Variants in UBR3 observed in about 807,000 individuals in gnomAD.
UBR3 encodes the protein E3 ubiquitin-protein ligase UBR3.
In UBR3, 85 loss-of-function variants were observed where a neutral mutation model predicts 243.2. The observed-to-expected ratio is 0.35, with a 90% CI of 0.29 to 0.42. UBR3 has a LOEUF of 0.42. UBR3 is among the 10% of genes least tolerant of loss of function. UBR3 has a pLI of 1.00. For missense variants in UBR3, 1,686 were observed against 2,300.8 expected (o/e 0.73, Z 5.47); for synonymous variants, 748 against 799.8 (o/e 0.94, Z 1.09).
In UBR3 at chr2:169,878,579, G is replaced by C; in HGVS notation, c.1038+5G>C. 1 of 1,549,020 alleles carries C rather than the reference G, an allele frequency of 6.5e-7. No homozygotes were observed. ...CAAGTGGATTCTTCAGATGAGGTGA[G>C]ATTTAAAGTTCAAAACTTTTTAAAA... On this transcript the variant is annotated splice_donor_5th_base_variant and intron_variant, in intron 5 of 38. Coordinates refer to ENST00000272793, the MANE Select transcript of UBR3 (RefSeq NM_172070.4).
At chr2:169,864,885 T>A (rs1574074658) in intron 1 of UBR3, among the ~76,000 whole-genome samples, 1 of 125,776 alleles carries the variant, frequency 8.0e-6, no homozygotes, top group South Asian at 2.4e-4. Context: ...CCAGCCCGGG[T>A]GACGGAGCGA....
chr2:169,828,082 G>T (rs1332051251), intron 1 of UBR3, 30 bp downstream of exon 1: 1 of 1,353,652 alleles, frequency 7.4e-7, no homozygotes, highest in East Asian at 3.1e-5. Flanking sequence ...CGGGCGAGGC[G>T]ACCCTGGGCC....
intron 19 of UBR3, 50 bp downstream of exon 19, chr2:169,933,058 G>T: frequency 7.3e-7 from 1 of 1,365,026 alleles, no homozygotes. Flanking sequence ...ATATTTATAT[G>T]GAAAAATTTC....
At chr2:169,927,007 T>G (rs753884721) in intron 16 of UBR3, 36 bp downstream of exon 16, 13 of 1,532,736 alleles carry the variant, frequency 8.5e-6, no homozygotes, top group Non-Finnish European at 1.1e-5. Flanking sequence ...ATGCATTAAC[T>G]GTTTTCCTCC....
chr2:170,043,322 C>T (rs1303109505), intron 32 of UBR3, among the ~76,000 whole-genome samples: 1 of 152,082 alleles, frequency 6.6e-6, no homozygotes, highest in Non-Finnish European at 1.5e-5. Context: ...GTGCATCACC[C>T]TCGTTGTCAG....
chr2:169,832,079 T>C (rs1045669295), intron 1 of UBR3, among the ~76,000 whole-genome samples: 3 of 152,228 alleles, frequency 2.0e-5, no homozygotes, highest in Non-Finnish European at 4.4e-5. Context: ...CAGCTGTATT[T>C]ATATTTAATT....
chr2:170,066,555 C>G (rs549731723), intron 35 of UBR3, among the ~76,000 whole-genome samples: 1 of 152,284 alleles, frequency 6.6e-6, no homozygotes, highest in Middle Eastern at 3.4e-3. Flanking sequence ...AATATATCTC[C>G]TTTTTTTCTT....
intron 24 of UBR3, among the ~76,000 whole-genome samples, chr2:169,977,934 G>C (rs966686408): frequency 6.6e-6 from 1 of 152,114 alleles, no homozygotes; most frequent in African/African-American, 2.4e-5. Context: ...TGTGTCTTCT[G>C]AACTTCCTAG....
At chr2:169,931,887 G>A (rs73972680) in intron 18 of UBR3, among the ~76,000 whole-genome samples, 8,681 of 151,986 alleles carry the variant, frequency 0.057, 461 homozygotes, top group African/African-American at 0.14. Flanking sequence ...AAAATGAAAA[G>A]CTTTATATAC....
Position 169,876,607 on chromosome 2 carries a change from G to A in UBR3, c.844+658G>A, listed in dbSNP as rs187960783. Reference sequence around the variant, plus strand: ...GAGTCTTGCTCTGTTGCCCAGGCTGGAGTGCAGTGGCGTGATCTCAGCCCA... The same window carrying A: ...GAGTCTTGCTCTGTTGCCCAGGCTGAAGTGCAGTGGCGTGATCTCAGCCCA... On this transcript the variant is annotated intron_variant, in intron 3 of 38. Coordinates refer to ENST00000272793, the MANE Select transcript of UBR3 (RefSeq NM_172070.4). 4.8e-3 allele frequency among the ~76,000 whole-genome samples: 715 copies of A among 149,940 alleles called. 4 individuals are homozygous for A. The highest frequency in any genetic ancestry group is 0.021 in the Middle Eastern group (6 of 290).
intron 32 of UBR3, among the ~76,000 whole-genome samples, chr2:170,054,679 C>A (rs1574458061): frequency 6.6e-6 from 1 of 152,110 alleles, no homozygotes; most frequent in Admixed American, 6.6e-5. Flanking sequence ...AAATTAGTAA[C>A]CTAAACATCA....
chr2:169,832,593 T>C (rs1159633166), intron 1 of UBR3, among the ~76,000 whole-genome samples: 2 of 150,032 alleles, frequency 1.3e-5, no homozygotes, highest in African/African-American at 4.9e-5. Context: ...AAACTGTATG[T>C]ATAACTACAG....
intron 32 of UBR3, among the ~76,000 whole-genome samples, chr2:170,047,195 G>GC (rs1559215687): frequency 1.4e-4 from 1 of 7,008 alleles, no homozygotes; most frequent in African/African-American, 2.4e-4. Context: ...GGCGGTGTCG[G>GC]GGGGGGGGTC....
chr2:170,010,890 C>T (rs1172173858), intron 29 of UBR3, among the ~76,000 whole-genome samples: 1 of 140,356 alleles, frequency 7.1e-6, no homozygotes, highest in Non-Finnish European at 1.5e-5. Flanking sequence ...AAAGGCTGGG[C>T]ATGGTGGCTC....
intron 5 of UBR3, among the ~76,000 whole-genome samples, chr2:169,882,205 CATTT>C (rs199665676): frequency 0.15 from 19,623 of 129,178 alleles, 1,618 homozygotes; most frequent in Admixed American, 0.24. Context: ...ATAATATACA[CATTT>C]ATATATGTAT....
In UBR3 at chr2:169,927,351, G is replaced by A. The variant is rs2085947026; in HGVS notation, c.2370G>A (p.Glu790=). Residue 790 remains glutamate (E), a synonymous_variant, in exon 17 of 39, where the codon GAG becomes GAA. Coordinates refer to ENST00000272793, the MANE Select transcript of UBR3 (RefSeq NM_172070.4). ...CTGATGATGAGATTCTCAGGGCCGA[G>A]ATGGTAGCCCAGCTGTGTATGAATG... is the stretch of plus-strand genomic sequence containing the variant. ...GMSDDEILRA[E]MVAQLCMNDR... The A allele has an allele frequency of 1.3e-6, 2 of 1,551,048 alleles. No individual in the cohort carries two copies. Among genetic ancestry groups the A allele is most frequent in the Admixed American group, 3.9e-5 (2 of 50,990 alleles).
chr2:169,983,104 A>G (rs1008275340), intron 24 of UBR3, among the ~76,000 whole-genome samples: 7 of 151,880 alleles, frequency 4.6e-5, no homozygotes, highest in African/African-American at 1.7e-4. Context: ...AGAGAGAGAA[A>G]CTATGCAAGG....
At chr2:169,963,063 A>G (rs1310401640) in intron 24 of UBR3, among the ~76,000 whole-genome samples, 1 of 152,138 alleles carries the variant, frequency 6.6e-6, no homozygotes, top group Non-Finnish European at 1.5e-5. Flanking sequence ...AGTTTTCTCT[A>G]AGCTGCTTGT....
chr2:170,069,420 C>T (rs893894963), intron 35 of UBR3, among the ~76,000 whole-genome samples: 2 of 151,836 alleles, frequency 1.3e-5, no homozygotes, highest in Non-Finnish European at 2.9e-5. Flanking sequence ...TTAACATATC[C>T]ATAATCTCAC....
Sources: gnomAD v4.1 joint callset for allele counts (sites outside exome capture counted in the v4.1 genomes callset) on GRCh38, gnomAD v4.1.1 for gene constraint, MANE v1.5 for transcripts, NCBI Gene and HGNC (gene_info 2026-07-23, HGNC 2026-07-21) for gene names.